The following ASIC2 variants were observed in gnomAD, a reference collection of about 807,000 sequenced individuals.
ASIC2 encodes the protein acid-sensing ion channel 2.
In ASIC2, 25 loss-of-function variants were observed where a neutral mutation model predicts 57.3. That is an observed-to-expected ratio of 0.44 (90% CI 0.32 to 0.61). ASIC2 has a LOEUF of 0.61. Ranked by LOEUF, ASIC2 falls within the 20% of genes least tolerant of loss-of-function variation. The pLI, the probability that ASIC2 is intolerant of heterozygous loss-of-function variation, is 0.06. For synonymous variants in ASIC2, 319 were observed against 307.5 expected (o/e 1.04, Z -0.39); for missense variants, 641 against 738.1 (o/e 0.87, Z 1.52).
At chr17:33,796,021 C>A (rs947165204) in intron 1 of ASIC2, among the ~76,000 whole-genome samples, 1 of 152,216 alleles carries the variant, frequency 6.6e-6, no homozygotes, top group Non-Finnish European at 1.5e-5. Context: ...GAGAGGTTGA[C>A]TGCATATGCC....
chr17:33,607,600 G>A (rs1323378036), intron 1 of ASIC2, among the ~76,000 whole-genome samples: 1 of 152,214 alleles, frequency 6.6e-6, no homozygotes, highest in Non-Finnish European at 1.5e-5. Context: ...ATAACAGTAA[G>A]AATGATGTCT....
At chr17:33,746,608 TAGAC>T (rs1910277369) in intron 1 of ASIC2, among the ~76,000 whole-genome samples, 2 of 151,616 alleles carry the variant, frequency 1.3e-5, no homozygotes, top group African/African-American at 4.8e-5. Context: ...AAGGGAGAAA[TAGAC>T]AGCTGAACAA....
At chr17:33,718,131 C>A (rs1027448186) in intron 1 of ASIC2, among the ~76,000 whole-genome samples, 1 of 152,120 alleles carries the variant, frequency 6.6e-6, no homozygotes, top group South Asian at 2.1e-4. Flanking sequence ...GTATAGGATT[C>A]GCACATAACC....
chr17:33,920,876 T>A (rs1597930406), intron 1 of ASIC2, among the ~76,000 whole-genome samples: 1 of 152,262 alleles, frequency 6.6e-6, no homozygotes, highest in African/African-American at 2.4e-5. Context: ...TGTTTCACCT[T>A]GCATGTTTCC....
chr17:33,920,150 G>A (rs748532128), intron 1 of ASIC2, among the ~76,000 whole-genome samples: 26 of 152,060 alleles, frequency 1.7e-4, no homozygotes, highest in Non-Finnish European at 3.2e-4. Flanking sequence ...CAGCAATTTC[G>A]TTACTGGGTA....
At chr17:33,379,331 T>C (rs1411165466) in intron 1 of ASIC2, among the ~76,000 whole-genome samples, 1 of 152,216 alleles carries the variant, frequency 6.6e-6, no homozygotes, top group Non-Finnish European at 1.5e-5. Flanking sequence ...GAAGTTCAGA[T>C]AAACTCAGCA....
At chr17:33,668,272 C>CTTTTTTTTTTTTTT (rs397856474) in intron 1 of ASIC2, among the ~76,000 whole-genome samples, 1 of 61,388 alleles carries the variant, frequency 1.6e-5, no homozygotes, top group African/African-American at 4.4e-5. Context: ...ATCAAATGTT[C>CTTTTTTTTTTTTTT]TTTTTTTTTT....
chr17:34,016,423 C>CAAAAAAAAAAAAAAAA (rs398041640), intron 1 of ASIC2, among the ~76,000 whole-genome samples: 1 of 41,462 alleles, frequency 2.4e-5, no homozygotes, highest in African/African-American at 8.3e-5. Context: ...GACTCCGTCT[C>CAAAAAAAAAAAAAAAA]AAAAAAAAAA....
chr17:34,099,164 GAAAGAAAGAA>G (rs1450334063), intron 1 of ASIC2, among the ~76,000 whole-genome samples: 143 of 5,124 alleles, frequency 0.028, 2 homozygotes, highest in East Asian at 0.17. Context: ...GAGAGAGAGA[GAAAGAAAGAA>G]AGAAAGAAAG....
intron 1 of ASIC2, among the ~76,000 whole-genome samples, chr17:33,972,772 G>A (rs1487552232): frequency 3.3e-5 from 5 of 152,210 alleles, no homozygotes; most frequent in South Asian, 2.1e-4. Flanking sequence ...AAGAATAAGC[G>A]TGTTAACACA....
At chr17:33,757,480 A>G (rs1910642793) in intron 1 of ASIC2, among the ~76,000 whole-genome samples, 1 of 152,036 alleles carries the variant, frequency 6.6e-6, no homozygotes. Context: ...CCTGCTCCCC[A>G]CTGTTCATTT....
intron 1 of ASIC2, among the ~76,000 whole-genome samples, chr17:33,693,299 T>C (rs1224584047): frequency 6.6e-6 from 1 of 151,832 alleles, no homozygotes; most frequent in Non-Finnish European, 1.5e-5. Flanking sequence ...GCATTAAATT[T>C]GTAGATGAAC....
intron 1 of ASIC2, among the ~76,000 whole-genome samples, chr17:33,190,200 G>A (rs1344841048): frequency 2.6e-5 from 4 of 152,126 alleles, no homozygotes; most frequent in Admixed American, 2.6e-4. Context: ...TGAATAATAT[G>A]CAATTGAAAT....
At chr17:33,977,486 G>C (rs959086149) in intron 1 of ASIC2, among the ~76,000 whole-genome samples, 3 of 152,188 alleles carry the variant, frequency 2.0e-5, no homozygotes, top group African/African-American at 7.2e-5. Context: ...ACAGAAATCT[G>C]GGTACACAAA....
At chr17:33,168,570 A>G (rs949685672) in intron 1 of ASIC2, among the ~76,000 whole-genome samples, 3 of 152,216 alleles carry the variant, frequency 2.0e-5, no homozygotes, top group Non-Finnish European at 2.9e-5. Context: ...ACTGGAGGAA[A>G]GACCAATCTT....
chr17:33,953,663 C>T (rs1408543330), intron 1 of ASIC2, among the ~76,000 whole-genome samples: 2 of 152,028 alleles, frequency 1.3e-5, no homozygotes, highest in Admixed American at 6.5e-5. Context: ...TGGTAAGATC[C>T]AGGGAAATTT....
intron 1 of ASIC2, among the ~76,000 whole-genome samples, chr17:33,464,508 C>CT (rs1262252204): frequency 2.5e-5 from 1 of 40,114 alleles, no homozygotes; most frequent in Admixed American, 2.1e-4. Context: ...TTCTTTCTTT[C>CT]TTTCTTTCTT....
At chr17:34,047,249 T>C (rs1908372219) in intron 1 of ASIC2, among the ~76,000 whole-genome samples, 1 of 152,078 alleles carries the variant, frequency 6.6e-6, no homozygotes, top group African/African-American at 2.4e-5. Context: ...ATTCAACATA[T>C]ATATAATGAG....
At chr17:33,368,764 C>T (rs1432099146) in intron 1 of ASIC2, among the ~76,000 whole-genome samples, 2 of 152,124 alleles carry the variant, frequency 1.3e-5, no homozygotes, top group Non-Finnish European at 2.9e-5. Context: ...CTCTCCTCAC[C>T]AATGATGGAG....
Sources: gnomAD v4.1 joint callset for allele counts (sites outside exome capture counted in the v4.1 genomes callset) on GRCh38, gnomAD v4.1.1 for gene constraint, MANE v1.5 for transcripts, NCBI Gene and HGNC (gene_info 2026-07-23, HGNC 2026-07-21) for gene names.